The following DMAC2 variants were observed in gnomAD, a reference collection of about 807,000 sequenced individuals.
DMAC2 encodes the protein distal membrane arm assembly component 2.
DMAC2 carries 32 observed loss-of-function variants against 29.6 expected under a neutral mutation model. The observed-to-expected ratio is 1.08, with a 90% confidence interval of 0.81 to 1.45. The LOEUF (loss-of-function observed/expected upper bound fraction) is 1.45, where lower values mean the gene tolerates loss of function less well. DMAC2 is among the 40% of genes most tolerant of loss of function. The pLI, the probability that DMAC2 is intolerant of heterozygous loss-of-function variation, is 0.00. For missense variants in DMAC2, 319 were observed against 340.0 expected (o/e 0.94, Z 0.49); for synonymous variants, 133 against 137.4 (o/e 0.97, Z 0.23).
At position 41,439,507 on chromosome 19, in the gene DMAC2, C is replaced by T. The variant is rs782104953; in HGVS notation, c.18+375G>A. On this transcript the variant is annotated intron_variant, in intron 1 of 5. Coordinates refer to ENST00000221943, the MANE Select transcript of DMAC2 (RefSeq NM_018035.3). ...TTCGGTCTTCTAAGACCAAATCCCA[C>T]ATCCTCGAACAATCCCTTCCAAGCT... 19 of 1,537,072 alleles carry T rather than the reference C, an allele frequency of 1.2e-5. 1 individual carries two copies. In the South Asian group the frequency reaches 2.3e-4, roughly 18 times the overall value.
intron 2 of DMAC2, among the ~76,000 whole-genome samples, chr19:41,436,703 A>G (rs1213494316): frequency 6.6e-6 from 1 of 152,240 alleles, no homozygotes; most frequent in Non-Finnish European, 1.5e-5. Context: ...AATCCAAGCT[A>G]TTATACAGGG....
chr19:41,439,774 C>A, intron 1 of DMAC2, 108 bp downstream of exon 1: 1 of 1,562,670 alleles, frequency 6.4e-7, no homozygotes. Flanking sequence ...CCAGGCTTAG[C>A]CTGCTGCCTC....
At position 41,433,309 on chromosome 19, in the gene DMAC2, T is replaced by C. The variant is rs2122210732; in HGVS notation, c.559A>G (p.Ile187Val). 6.2e-7 allele frequency: 1 copy of C among 1,611,124 alleles called. No individual in the cohort carries two copies. The highest frequency in any genetic ancestry group is 8.5e-7 in the Non-Finnish European group (1 of 1,179,850). ...AGGCAGGCGAGGCCCCGTTCGGAGA[T>C]GCGGGGGCAACCGGCCAGCGAGAGC... ...QELSLAGCPR[I>V]SERGLACLHH... Residue 187 changes from isoleucine (I) to valine (V), a missense_variant, in exon 5 of 6, where the codon ATC becomes GTC. By Grantham distance (29) the Ile-to-Val change is conservative (BLOSUM62 3). Transcript: ENST00000221943.
intron 1 of DMAC2, chr19:41,439,537 T>C (rs1051457870): frequency 9.1e-6 from 14 of 1,536,876 alleles, no homozygotes; most frequent in East Asian, 4.9e-5. Context: ...CAAGCTCTCT[T>C]ATCCTACAGG....
At chr19:41,437,473 C>T (rs1250479808) in intron 2 of DMAC2, among the ~76,000 whole-genome samples, 2 of 151,662 alleles carry the variant, frequency 1.3e-5, no homozygotes, top group African/African-American at 4.8e-5. Flanking sequence ...CCGAGGCAGG[C>T]GGATCACCTG....
intron 1 of DMAC2, chr19:41,439,635 C>T: frequency 2.8e-6 from 4 of 1,430,326 alleles, no homozygotes; most frequent in Non-Finnish European, 3.8e-6. Flanking sequence ...ACTCCCTCAT[C>T]CCCATTGGAT....
intron 3 of DMAC2, 70 bp downstream of exon 3, chr19:41,436,322 G>T: frequency 7.2e-7 from 1 of 1,381,176 alleles, no homozygotes; most frequent in Non-Finnish European, 1.0e-6. Flanking sequence ...CTGTGTGACT[G>T]CAGAACCTGG....
In DMAC2 at chr19:41,432,330, C is replaced by T; in HGVS notation, c.675G>A (p.Met225Ile). The change falls in exon 6 of 6, where the codon ATG becomes ATA. Residue 225 changes from methionine (M) to isoleucine (I), a missense_variant. Met to Ile is a conservative substitution (Grantham distance 10). Transcript: ENST00000221943. Reference sequence around the variant, plus strand: ...CTCCCACAACCTCGCAATTGGGCAGCATCTCCTCCACCAATATCTGAGTGA... The same window carrying T: ...CTCCCACAACCTCGCAATTGGGCAGTATCTCCTCCACCAATATCTGAGTGA... The part of the protein sequence containing the change: ...PGLTQILVEE[M>I]LPNCEVVGVD... The T allele has an allele frequency of 6.2e-7, 1 of 1,614,204 alleles. No individual in the cohort carries two copies. The highest frequency in any genetic ancestry group is 8.5e-7 in the Non-Finnish European group (1 of 1,180,034).
chr19:41,433,205 T>C (rs1057094978), intron 5 of DMAC2, 67 bp downstream of exon 5: 53 of 1,495,102 alleles, frequency 3.5e-5, no homozygotes, highest in Middle Eastern at 4.8e-4. Flanking sequence ...CCCCACTTCC[T>C]CTCCTGCATC....
chr19:41,434,877 G>A (rs1484705395), intron 3 of DMAC2, among the ~76,000 whole-genome samples: 2 of 151,918 alleles, frequency 1.3e-5, no homozygotes, highest in African/African-American at 4.8e-5. Context: ...GTGGTAGTGT[G>A]CACCTATAAT....
intron 3 of DMAC2, among the ~76,000 whole-genome samples, chr19:41,434,001 G>T (rs1375371267): frequency 2.6e-5 from 4 of 152,102 alleles, no homozygotes; most frequent in Non-Finnish European, 5.9e-5. Context: ...TGGGAGCCGA[G>T]GTGGGCGGAC....
chr19:41,436,651 A>G (rs1313296885), intron 2 of DMAC2, among the ~76,000 whole-genome samples, 179 bp from the exon 3 acceptor site: 3 of 152,216 alleles, frequency 2.0e-5, no homozygotes, highest in Admixed American at 6.5e-5. Flanking sequence ...AGTGGTGACC[A>G]AGGCAGATAA....
chr19:41,433,226 G>A, intron 5 of DMAC2, 46 bp downstream of exon 5: 1 of 1,559,564 alleles, frequency 6.4e-7, no homozygotes, highest in Non-Finnish European at 8.7e-7. Flanking sequence ...TGGGTTAGGT[G>A]GGAGAGGTGC....
At chr19:41,432,454 G>A in intron 5 of DMAC2, 46 bp from the exon 6 acceptor site, 2 of 1,477,938 alleles carry the variant, frequency 1.4e-6, no homozygotes, top group Non-Finnish European at 1.9e-6. Flanking sequence ...AGGACAGCAT[G>A]TGTGTGTGTG....
chr19:41,433,303 C>T lies in DMAC2; in HGVS notation c.565G>A (p.Glu189Lys), dbSNP rs781949680. ...LSLAGCPRIS[E>K]RGLACLHHLQ... ...TGGTGGAGGCAGGCGAGGCCCCGTT[C>T]GGAGATGCGGGGGCAACCGGCCAGC... Residue 189 changes from glutamate (E) to lysine (K), a missense_variant, in exon 5 of 6, where the codon GAA (glutamate) becomes AAA (lysine). Glu to Lys is a moderately conservative substitution (Grantham distance 56). Transcript: ENST00000221943. The T allele has an allele frequency of 1.1e-5, 17 of 1,610,648 alleles. No homozygotes were observed. The highest frequency in any genetic ancestry group is 2.2e-5 in the East Asian group (1 of 44,884).
rs558101681 is a variant in DMAC2, at chr19:41,432,040, G to A, written c.*191C>T. The A allele has an allele frequency of 3.8e-4, 242 of 642,546 alleles. 3 individuals are homozygous for A. In the African/African-American group the frequency reaches 3.9e-3, roughly 10 times the overall value. 39.8% of individuals were successfully genotyped at this position (642,546 alleles called of 1,614,324 possible). ...GAAAGGGCTGCCTGACAGGGTGACA[G>A]GAGCTGTGACCTTTAGCCAAGGGCA... On this transcript the variant is annotated 3_prime_UTR_variant, in exon 6 of 6. Coordinates refer to ENST00000221943, the MANE Select transcript of DMAC2 (RefSeq NM_018035.3).
At position 41,439,873 on chromosome 19, in the gene DMAC2, G is replaced by T; in HGVS notation, c.18+9C>A. 6.2e-7 allele frequency: 1 copy of T among 1,614,200 alleles called. No individual in the cohort carries two copies. Among genetic ancestry groups the T allele is most frequent in the Non-Finnish European group, 8.5e-7 (1 of 1,180,034 alleles). On this transcript the variant is annotated intron_variant, in intron 1 of 5. Transcript: ENST00000221943. ...CAAATTTGGGGCTCTAGGAACTCCG[G>T]TCACTTACCGCCCAGGGAGCCGCCA...
At chr19:41,437,111 T>C (rs1204192059) in intron 2 of DMAC2, among the ~76,000 whole-genome samples, 2 of 152,106 alleles carry the variant, frequency 1.3e-5, no homozygotes, top group African/African-American at 4.8e-5. Context: ...TAAAAAACTA[T>C]GGGACAGGCC....
At chr19:41,439,402 C>T (rs1427742529) in intron 1 of DMAC2, 1 of 1,188,742 alleles carries the variant, frequency 8.4e-7, no homozygotes, top group Non-Finnish European at 1.2e-6. Flanking sequence ...AAATTGACCT[C>T]TTGGTTCCCC....
Sources: allele counts gnomAD v4.1 joint callset (sites outside exome capture counted in the v4.1 genomes callset), GRCh38; gene constraint gnomAD v4.1.1; transcripts MANE v1.5; gene names NCBI Gene and HGNC (gene_info 2026-07-23, HGNC 2026-07-21).